The following L2HGDH variants were observed in gnomAD, a reference collection of about 807,000 sequenced individuals.
L2HGDH encodes the protein L-2-hydroxyglutarate dehydrogenase, mitochondrial.
L2HGDH carries 34 observed loss-of-function variants against 51.5 expected under a neutral mutation model. The observed-to-expected ratio is 0.66, with a 90% confidence interval of 0.50 to 0.88. The LOEUF (loss-of-function observed/expected upper bound fraction) is 0.88. Ranked by LOEUF, L2HGDH falls within the 40% of genes least tolerant of loss-of-function variation. The pLI, the probability that L2HGDH is intolerant of heterozygous loss-of-function variation, is 0.00. For synonymous variants in L2HGDH, 198 were observed against 197.9 expected (o/e 1.00, Z -0.01); for missense variants, 558 against 571.9 (o/e 0.98, Z 0.25).
Position 50,269,156 on chromosome 14 carries a change from T to C in L2HGDH, c.906+7A>G, listed in dbSNP as rs747657711. On this transcript the variant is annotated splice_region_variant and intron_variant, in intron 7 of 9. Transcript: ENST00000267436. ...AAAAATGAGAAGTAGGAAGCATCAT[T>C]ACCTACCGGATAAATATTTCCTTTT... 12 of 1,576,474 alleles carry C rather than the reference T, an allele frequency of 7.6e-6. No individual in the cohort carries two copies. In the Admixed American group the frequency reaches 1.9e-4, roughly 25 times the overall value.
chr14:50,309,839 C>T (rs2030972705), intron 1 of L2HGDH, among the ~76,000 whole-genome samples: 1 of 152,026 alleles, frequency 6.6e-6, no homozygotes, highest in Non-Finnish European at 1.5e-5. Flanking sequence ...CAAGCCACCA[C>T]ACCTGGCTAA....
At chr14:50,284,121 C>A (rs1324249087) in intron 4 of L2HGDH, 88 bp from the exon 5 acceptor site, 2 of 1,331,516 alleles carry the variant, frequency 1.5e-6, no homozygotes, top group East Asian at 4.9e-5. Flanking sequence ...CAATTTTGTC[C>A]TTTAGAGGAG....
At chr14:50,270,885 T>C (rs1000836499) in intron 6 of L2HGDH, among the ~76,000 whole-genome samples, 1 of 152,150 alleles carries the variant, frequency 6.6e-6, no homozygotes, top group African/African-American at 2.4e-5. Context: ...TGCTAGAAAG[T>C]TAAGCCTCTT....
chr14:50,294,953 G>A (rs951275763), intron 3 of L2HGDH, among the ~76,000 whole-genome samples: 5 of 152,154 alleles, frequency 3.3e-5, no homozygotes, highest in Non-Finnish European at 2.9e-5. Context: ...AGAATTTCAT[G>A]AGGTGACACT....
At position 50,246,910 on chromosome 14, in the gene L2HGDH, T is replaced by G; in HGVS notation, c.*148A>C. On this transcript the variant is annotated 3_prime_UTR_variant, in exon 10 of 10. Transcript: ENST00000267436. ...GCTAATTTTTGTAGAAAATTATTAT[T>G]TCTATGTTACATCATTTTAACAATG... The G allele has an allele frequency of 7.6e-7, 1 of 1,315,608 alleles. No homozygotes were observed. The highest frequency in any genetic ancestry group is 1.0e-6 in the Non-Finnish European group (1 of 984,822). The allele number at this position is 1,315,608 out of a possible 1,614,324, so 81.5% of individuals were successfully genotyped here.
At position 50,298,534 on chromosome 14, in the gene L2HGDH, C is replaced by T. The variant is rs571076214; in HGVS notation, c.408+3483G>A. 2.0e-5 allele frequency among the ~76,000 whole-genome samples: 3 copies of T among 152,036 alleles called. No individual in the cohort carries two copies. The South Asian group carries it at 6.2e-4, about 32-fold the overall frequency. On this transcript the variant is annotated intron_variant, in intron 3 of 9. Coordinates refer to ENST00000267436, the MANE Select transcript of L2HGDH (RefSeq NM_024884.3). ...TTCTCCACGTTGGTCAGTCTGGTCT[C>T]GAACTCCTGACCTCAGGTGATCCCC...
intron 9 of L2HGDH, among the ~76,000 whole-genome samples, chr14:50,261,146 A>T (rs958201748): frequency 2.0e-5 from 3 of 151,998 alleles, no homozygotes; most frequent in Admixed American, 1.3e-4. Flanking sequence ...AATGAACTGG[A>T]CACTCCTCCA....
chr14:50,245,024 C>T lies in L2HGDH; in HGVS notation c.*2034G>A, dbSNP rs914851925. ...ATTATAAGAATAATTTCGATAGATACCACAAAACACATATATACAGGATAT... is the reference window on the plus strand; with the variant it reads ...ATTATAAGAATAATTTCGATAGATATCACAAAACACATATATACAGGATAT... On this transcript the variant is annotated 3_prime_UTR_variant, in exon 10 of 10. Transcript: ENST00000267436. 1.0e-6 allele frequency: 1 copy of T among 985,458 alleles called. No homozygotes were observed. Among genetic ancestry groups the T allele is most frequent in the African/African-American group, 1.7e-5 (1 of 57,200 alleles). The allele number at this position is 985,458 out of a possible 1,614,324, so 61.0% of individuals were successfully genotyped here.
chr14:50,302,519 T>A (rs375033694), intron 2 of L2HGDH, among the ~76,000 whole-genome samples: 1 of 151,984 alleles, frequency 6.6e-6, no homozygotes, highest in African/African-American at 2.4e-5. Flanking sequence ...CCTCAACCAA[T>A]AGAGAGAAGA....
In L2HGDH at chr14:50,312,218, G is replaced by A. The variant is rs1240955517; in HGVS notation, c.-68C>T. On this transcript the variant is annotated 5_prime_UTR_variant, in exon 1 of 10. Coordinates refer to ENST00000267436, the MANE Select transcript of L2HGDH (RefSeq NM_024884.3). ...CTTGACCCTCCACGGCCGAGGACCC[G>A]CGCTCTTTAGCCCCGCCCCTCACGC... The A allele has an allele frequency of 6.3e-7, 1 of 1,579,310 alleles. No homozygotes were observed. The highest frequency in any genetic ancestry group is 2.3e-5 in the East Asian group (1 of 43,646).
chr14:50,260,800 T>G (rs1386124118), intron 9 of L2HGDH, among the ~76,000 whole-genome samples: 2 of 152,004 alleles, frequency 1.3e-5, no homozygotes, highest in Non-Finnish European at 2.9e-5. Context: ...GGAGAATGAG[T>G]AGAGGCTGGG....
chr14:50,260,771 T>C (rs1342271570), intron 9 of L2HGDH, among the ~76,000 whole-genome samples: 1 of 152,164 alleles, frequency 6.6e-6, no homozygotes, highest in Non-Finnish European at 1.5e-5. Flanking sequence ...TGTCGACATA[T>C]TTTTGGTTGC....
rs112447841 is a variant in L2HGDH at position 50,248,115 on chromosome 14, C to T, written c.1197-862G>A. The stretch of plus-strand genomic sequence containing the variant: ...GTAAAGACACTGATAATCTTTATTA[C>T]TTAAAATTCTATTTTATAACATTTG... On this transcript the variant is annotated intron_variant, in intron 9 of 9. Transcript: ENST00000267436. Among the ~76,000 whole-genome samples, 84 of 152,158 alleles carry T rather than the reference C, an allele frequency of 5.5e-4. 1 individual carries two copies. The highest frequency in any genetic ancestry group is 2.0e-3 in the African/African-American group (82 of 41,494).
Position 50,243,533 on chromosome 14 carries a change from T to C in L2HGDH, c.*3525A>G. On this transcript the variant is annotated 3_prime_UTR_variant, in exon 10 of 10. Coordinates refer to ENST00000267436, the MANE Select transcript of L2HGDH (RefSeq NM_024884.3). ...ATACATTTCTTCTGTCAGAAATACA[T>C]AAAACTTTATTATATCAGTATTAAA... 1.4e-6 allele frequency: 1 copy of C among 738,104 alleles called. No individual in the cohort carries two copies. The highest frequency in any genetic ancestry group is 1.3e-4 in the East Asian group (1 of 7,650). The allele number at this position is 738,104 out of a possible 1,614,324, so 45.7% of individuals were successfully genotyped here.
chr14:50,303,472 C>A (rs1486941824), intron 1 of L2HGDH, among the ~76,000 whole-genome samples: 7 of 130,088 alleles, frequency 5.4e-5, no homozygotes, highest in African/African-American at 2.9e-5. Context: ...AAAAAAAAAA[C>A]CCTTAAAAGT....
In L2HGDH at chr14:50,312,127, C is replaced by G. The variant is rs2031264714; in HGVS notation, c.24G>C (p.Leu8Phe). The G allele has an allele frequency of 6.2e-7, 1 of 1,610,310 alleles. No homozygotes were observed. The highest frequency in any genetic ancestry group is 2.2e-5 in the East Asian group (1 of 44,792). The change falls in exon 1 of 10, where the codon TTG (leucine) becomes TTC (phenylalanine). Residue 8 changes from leucine (L) to phenylalanine (F), a missense_variant. By Grantham distance (22) the Leu-to-Phe change is conservative (BLOSUM62 0). This residue lies in a region of L2HGDH where 194 missense variants were observed against 187.2 expected (regional missense o/e 1.04). Transcript: ENST00000267436. ...CGCGGGCCCGTCCGCAGGCACCAAC[C>G]AAATAACGCAGCGCTGGCACCATCC... The part of the protein sequence containing the change: MVPALRY[L>F]VGACGRARGL...
intron 4 of L2HGDH, among the ~76,000 whole-genome samples, chr14:50,292,416 A>G (rs1890932025): frequency 6.6e-6 from 1 of 152,236 alleles, no homozygotes; most frequent in African/African-American, 2.4e-5. Flanking sequence ...CAGGCCTATT[A>G]AAAAGCTACT....
chr14:50,254,455 C>T (rs1379103157), intron 9 of L2HGDH, among the ~76,000 whole-genome samples: 2 of 151,954 alleles, frequency 1.3e-5, no homozygotes, highest in African/African-American at 2.4e-5. Context: ...TGGTATGTGG[C>T]CTATTTTGTA....
intron 1 of L2HGDH, among the ~76,000 whole-genome samples, chr14:50,307,440 T>C (rs1227007141): frequency 1.3e-5 from 2 of 152,226 alleles, no homozygotes; most frequent in East Asian, 3.9e-4. Flanking sequence ...AACAGAACAA[T>C]AGTCATAGAT....
Sources: allele counts gnomAD v4.1 joint callset (sites outside exome capture counted in the v4.1 genomes callset), GRCh38; gene constraint gnomAD v4.1.1; regional missense constraint gnomAD v4.1.1; transcripts MANE v1.5; gene names NCBI Gene and HGNC (gene_info 2026-07-23, HGNC 2026-07-21).